ACVR1: variants seen among roughly 807,000 people sequenced by gnomAD.
ACVR1 encodes the protein activin A receptor type 1, also known as activin receptor type-1.
In ACVR1, 38 loss-of-function variants were observed where a neutral mutation model predicts 57.1. The ratio of observed to expected loss-of-function variants is 0.67; its 90% CI spans 0.51 to 0.87. ACVR1 has a LOEUF of 0.87. Ranked by LOEUF, ACVR1 falls within the 40% of genes least tolerant of loss-of-function variation. The pLI is 0.00. For missense variants in ACVR1, 463 were observed against 638.2 expected, an observed-to-expected ratio of 0.73 and a Z score of 2.96; for synonymous variants, 212 against 228.1, an observed-to-expected ratio of 0.93 and a Z score of 0.63.
intron 1 of ACVR1, among the ~76,000 whole-genome samples, chr2:157,830,181 T>G (rs1688533712): frequency 6.6e-6 from 1 of 152,150 alleles, no homozygotes. Flanking sequence ...ATCATGCCAT[T>G]GCACTCCAGC....
At chr2:157,787,512 G>A (rs978471566) in intron 3 of ACVR1, among the ~76,000 whole-genome samples, 1 of 152,180 alleles carries the variant, frequency 6.6e-6, no homozygotes, top group Non-Finnish European at 1.5e-5. Flanking sequence ...GAGTAACAGA[G>A]AGTAGAATAA....
At chr2:157,854,910 A>C (rs1394612259) in intron 1 of ACVR1, among the ~76,000 whole-genome samples, 3 of 148,780 alleles carry the variant, frequency 2.0e-5, no homozygotes, top group African/African-American at 7.5e-5. Flanking sequence ...ATGGTGGTGC[A>C]TGCCTGTAGT....
intron 1 of ACVR1, among the ~76,000 whole-genome samples, chr2:157,841,443 A>G (rs1312644619): frequency 6.6e-6 from 1 of 152,186 alleles, no homozygotes; most frequent in Non-Finnish European, 1.5e-5. Context: ...AAGGCCACTA[A>G]GACTGCTTAG....
At chr2:157,770,576 CATT>C in intron 6 of ACVR1, 62 bp from the exon 7 acceptor site, 1 of 1,560,806 alleles carries the variant, frequency 6.4e-7, no homozygotes, top group Non-Finnish European at 8.8e-7. Context: ...GCCAGCCCAT[CATT>C]AAGAATAATT....
intron 9 of ACVR1, among the ~76,000 whole-genome samples, chr2:157,752,712 G>GA (rs2105238467): frequency 6.6e-6 from 1 of 152,236 alleles, no homozygotes; most frequent in East Asian, 1.9e-4. Context: ...ATAAATGAAG[G>GA]AAAGATTCGG....
chr2:157,857,624 T>G (rs561955863), intron 1 of ACVR1, among the ~76,000 whole-genome samples: 3 of 152,318 alleles, frequency 2.0e-5, no homozygotes, highest in South Asian at 4.2e-4. Flanking sequence ...GAGGATCATG[T>G]AAAATGCAGT....
intron 1 of ACVR1, among the ~76,000 whole-genome samples, chr2:157,857,624 T>TA (rs1689581227): frequency 1.3e-5 from 2 of 152,318 alleles, no homozygotes; most frequent in South Asian, 4.2e-4. Flanking sequence ...GAGGATCATG[T>TA]AAAATGCAGT....
intron 3 of ACVR1, among the ~76,000 whole-genome samples, chr2:157,793,658 AAG>A (rs1239353378): frequency 1.3e-5 from 2 of 152,206 alleles, no homozygotes; most frequent in Non-Finnish European, 2.9e-5. Flanking sequence ...TATTCTGAAC[AAG>A]AGATACAAAT....
At chr2:157,811,483 CAGAA>C (rs1443787300) in intron 2 of ACVR1, among the ~76,000 whole-genome samples, 2 of 152,102 alleles carry the variant, frequency 1.3e-5, no homozygotes, top group African/African-American at 4.8e-5. Flanking sequence ...TACATAGAAA[CAGAA>C]AGCGTAATAT....
intron 2 of ACVR1, among the ~76,000 whole-genome samples, chr2:157,810,714 C>T (rs1034154469): frequency 1.2e-4 from 19 of 152,142 alleles, no homozygotes; most frequent in African/African-American, 4.6e-4. Flanking sequence ...CTTACATCAT[C>T]ATAAGCAACA....
chr2:157,868,335 A>C (rs1481013168), intron 1 of ACVR1, among the ~76,000 whole-genome samples: 1 of 151,908 alleles, frequency 6.6e-6, no homozygotes, highest in Admixed American at 6.6e-5. Context: ...ATGAAAAAAA[A>C]AAATAGCTGG....
chr2:157,736,930 A>G lies in ACVR1; in HGVS notation c.*601T>C, dbSNP rs1185198409. 1 of 311,790 alleles carries G rather than the reference A, an allele frequency of 3.2e-6. No homozygotes were observed. Among genetic ancestry groups the G allele is most frequent in the Non-Finnish European group, 5.9e-6 (1 of 169,284 alleles). 19.3% of individuals were successfully genotyped at this position (311,790 alleles called of 1,614,324 possible). On this transcript the variant is annotated 3_prime_UTR_variant, in exon 11 of 11. Coordinates refer to ENST00000434821, the MANE Select transcript of ACVR1 (RefSeq NM_001111067.4). ...TAAACAATTCCTAATGTTCGGCATC[A>G]TTGTAAACATCAGCACATGTGTAAA...
chr2:157,799,196 C>T (rs1325679889), intron 3 of ACVR1, among the ~76,000 whole-genome samples: 2 of 151,806 alleles, frequency 1.3e-5, no homozygotes, highest in Non-Finnish European at 2.9e-5. Flanking sequence ...ATGCTTGGCC[C>T]TATATTTATT....
chr2:157,745,007 C>T (rs1362754235), intron 9 of ACVR1, among the ~76,000 whole-genome samples: 1 of 152,186 alleles, frequency 6.6e-6, no homozygotes, highest in Non-Finnish European at 1.5e-5. Context: ...GCCCCTCTAG[C>T]CCATTGTAAT....
At chr2:157,756,675 C>G (rs1417718675) in intron 9 of ACVR1, among the ~76,000 whole-genome samples, 1 of 151,740 alleles carries the variant, frequency 6.6e-6, no homozygotes, top group Admixed American at 6.6e-5. Flanking sequence ...GGCGTGGATG[C>G]GGCACAAAGG....
At chr2:157,759,098 G>A (rs1685546402) in intron 9 of ACVR1, among the ~76,000 whole-genome samples, 1 of 151,722 alleles carries the variant, frequency 6.6e-6, no homozygotes, top group Admixed American at 6.6e-5. Context: ...AGAAAAGCAA[G>A]AACAAACCAA....
intron 6 of ACVR1, among the ~76,000 whole-genome samples, chr2:157,772,320 G>A (rs1408413096): frequency 6.6e-6 from 1 of 152,110 alleles, no homozygotes; most frequent in Non-Finnish European, 1.5e-5. Flanking sequence ...ATCCAGAAAT[G>A]ACTCCCCTAA....
intron 3 of ACVR1, among the ~76,000 whole-genome samples, chr2:157,781,587 T>C (rs911117411): frequency 7.9e-5 from 12 of 152,164 alleles, no homozygotes; most frequent in Non-Finnish European, 5.9e-5. Flanking sequence ...AACCGAATAA[T>C]GTTTGAACAG....
intron 9 of ACVR1, among the ~76,000 whole-genome samples, chr2:157,755,573 CATACA>C (rs1157350450): frequency 0.017 from 2,558 of 150,070 alleles, 67 homozygotes; most frequent in African/African-American, 0.056. Flanking sequence ...CATACCGTAC[CATACA>C]ATACAATACT....
Sources: allele counts gnomAD v4.1 joint callset (sites outside exome capture counted in the v4.1 genomes callset), GRCh38; gene constraint gnomAD v4.1.1; transcripts MANE v1.5; gene names NCBI Gene and HGNC (gene_info 2026-07-23, HGNC 2026-07-21).